Variants in RAG2 observed in about 807,000 individuals in gnomAD.
RAG2 encodes the protein recombination activating 2.
A neutral mutation model predicts 31.8 loss-of-function variants in RAG2; 16 were observed. The ratio of observed to expected loss-of-function variants is 0.50; its 90% CI spans 0.34 to 0.76. The LOEUF is 0.76. Among genes scored for constraint, RAG2 ranks in the 30% least tolerant of loss-of-function variants. RAG2 has a pLI of 0.01. For missense variants in RAG2, 622 were observed against 628.5 expected (o/e 0.99, Z 0.11); for synonymous variants, 199 against 215.9 (o/e 0.92, Z 0.68).
At position 36,592,707 on chromosome 11, in the gene RAG2, G is replaced by C. The variant is rs1347932380; in HGVS notation, c.1462C>G (p.Leu488Val). ...GGTAGGACTCTTTGGGGAGTGTGTA[G>C]AGCTCTTGCTATCTCCACATGCTCA... ...CNEHVEIARA[L>V]HTPQRVLPLK... Residue 488 changes from leucine to valine, a missense_variant, in exon 2 of 2, where the codon CTA becomes GTA. By Grantham distance (32) the Leu-to-Val change is conservative. Transcript: ENST00000311485. The C allele has an allele frequency of 1.2e-6, 2 of 1,614,066 alleles. No homozygotes were observed. Among genetic ancestry groups the C allele is most frequent in the Admixed American group, 3.3e-5 (2 of 60,010 alleles).
chr11:36,594,461 C>T lies in RAG2; in HGVS notation c.-27-266G>A. On this transcript the variant is annotated intron_variant, in intron 1 of 1. Transcript: ENST00000311485. ...GTAGTCCTTTTCCGTAAAGAGTCAC[C>T]ATGCGTCAGCTGAAAGAACCACATT... 4 of 434,386 alleles carry T rather than the reference C, an allele frequency of 9.2e-6. 1 individual carries two copies. The South Asian group carries it at 1.2e-4, about 13-fold the overall frequency. The allele number at this position is 434,386 out of a possible 1,614,324, so 26.9% of individuals were successfully genotyped here.
rs1590713653 is a variant in RAG2 at position 36,592,773 on chromosome 11, G to A, written c.1396C>T (p.Leu466Phe). 9.3e-6 allele frequency: 15 copies of A among 1,614,146 alleles called. No homozygotes were observed. Among genetic ancestry groups the A allele is most frequent in the Non-Finnish European group, 1.3e-5 (15 of 1,180,028 alleles). Residue 466 changes from leucine to phenylalanine, a missense_variant, in exon 2 of 2, where the codon CTC becomes TTC. Physicochemically the swap from Leu to Phe is conservative, Grantham distance 22. Coordinates refer to ENST00000311485, the MANE Select transcript of RAG2 (RefSeq NM_000536.4). ...TTGCTTCCTGCTGACAGATGGATGA[G>A]TGTGCGTTCTGCCAGATCCATGCAC... ...AQCMDLAERT[L>F]IHLSAGSNKY...
downstream of RAG2, among the ~76,000 whole-genome samples, chr11:36,591,747 G>A: frequency 6.6e-6 from 1 of 151,956 alleles, no homozygotes; most frequent in Non-Finnish European, 1.5e-5. Flanking sequence ...TTATTTGGTG[G>A]TCCTTTCTTA....
At position 36,593,504 on chromosome 11, in the gene RAG2, T is replaced by G; in HGVS notation, c.665A>C (p.His222Pro). ...AGGCCGGATATTATTGGCAAGTGAA[T>G]GTCCTCCTAAAATATAGATGGTGTC... ...KNDTIYILGG[H>P]SLANNIRPAN... is the part of the protein sequence containing the mutation. The change falls in exon 2 of 2, where the codon CAT (histidine) becomes CCT (proline). Residue 222 changes from histidine (H) to proline (P), a missense_variant. His to Pro is a moderately conservative substitution (Grantham distance 77). Transcript: ENST00000311485. The G allele has an allele frequency of 6.2e-7, 1 of 1,614,164 alleles. No individual in the cohort carries two copies. The highest frequency in any genetic ancestry group is 8.5e-7 in the Non-Finnish European group (1 of 1,180,038).
intron 1 of RAG2, among the ~76,000 whole-genome samples, chr11:36,596,834 G>A (rs1479630476): frequency 6.6e-6 from 1 of 152,178 alleles, no homozygotes; most frequent in East Asian, 1.9e-4. Flanking sequence ...GTTGCTGTAG[G>A]AATTGTGGCT....
At chr11:36,598,050 A>C (rs564950586) in intron 1 of RAG2, 52 bp downstream of exon 1, 4 of 152,206 alleles carry the variant, frequency 2.6e-5, no homozygotes, top group Non-Finnish European at 5.9e-5. Flanking sequence ...AAAGTTTACT[A>C]ACATAGGCTC....
Position 36,593,254 on chromosome 11 carries a change from T to C in RAG2, c.915A>G (p.Pro305=), listed in dbSNP as rs751463938. 2 of 1,614,218 alleles carry C rather than the reference T, an allele frequency of 1.2e-6. No individual in the cohort carries two copies. Among genetic ancestry groups the C allele is most frequent in the Admixed American group, 3.3e-5 (2 of 60,022 alleles). The change falls in exon 2 of 2, where the codon CCA becomes CCG. Residue 305 remains proline (P), a synonymous_variant. Coordinates refer to ENST00000311485, the MANE Select transcript of RAG2 (RefSeq NM_000536.4). ...NKIEIREMET[P]DWTPDIKHSK... ...TGTGCTTAATGTCTGGGGTCCAATC[T>C]GGGGTCTCCATCTCACGAATTTCTA...
At position 36,594,047 on chromosome 11, in the gene RAG2, C is replaced by T; in HGVS notation, c.122G>A (p.Cys41Tyr). ...FGQKGWPKRS[C>Y]PTGVFHLDVK... The stretch of plus-strand genomic sequence containing the variant: ...ATCCAGATGGAAAACTCCAGTGGGG[C>T]AGGATCTTTTGGGCCAGCCTTTTTG... The change falls in exon 2 of 2, where the codon TGC becomes TAC. Residue 41 changes from cysteine to tyrosine, a missense_variant. Coordinates refer to ENST00000311485, the MANE Select transcript of RAG2 (RefSeq NM_000536.4). 1 of 1,614,122 alleles carries T rather than the reference C, an allele frequency of 6.2e-7. No homozygotes were observed. Among genetic ancestry groups the T allele is most frequent in the Non-Finnish European group, 8.5e-7 (1 of 1,179,988 alleles).
Position 36,593,939 on chromosome 11 carries a change from G to C in RAG2, c.230C>G (p.Thr77Ser). Residue 77 changes from threonine to serine, a missense_variant, in exon 2 of 2, where the codon ACT becomes AGT. Physicochemically the swap from Thr to Ser is moderately conservative, Grantham distance 58. Coordinates refer to ENST00000311485, the MANE Select transcript of RAG2 (RefSeq NM_000536.4). ...CTCCAAGCTGCCTTTGAATGTGCAA[G>C]TGGCTGGGTAGCGAAGAGGAGGGAG... ...CYLPPLRYPATCTFKGSLESE... is the reference protein window; with the variant it reads ...CYLPPLRYPASCTFKGSLESE... The C allele has an allele frequency of 2.5e-6, 4 of 1,614,222 alleles. No homozygotes were observed. The highest frequency in any genetic ancestry group is 2.5e-6 in the Non-Finnish European group (3 of 1,180,024).
rs1337473510 is a variant in RAG2 at position 36,592,490 on chromosome 11, T to C, written c.*95A>G. 6.8e-7 allele frequency: 1 copy of C among 1,466,340 alleles called. No homozygotes were observed. The highest frequency in any genetic ancestry group is 9.2e-7 in the Non-Finnish European group (1 of 1,088,502). The allele number at this position is 1,466,340 out of a possible 1,614,324, so 90.8% of individuals were successfully genotyped here. On this transcript the variant is annotated 3_prime_UTR_variant, in exon 2 of 2. Coordinates refer to ENST00000311485, the MANE Select transcript of RAG2 (RefSeq NM_000536.4). The stretch of plus-strand genomic sequence containing the variant: ...TAACTAAAAGAAAACATAGGCATTT[T>C]AAATAAACAAAAATGTATTTTTAAA...
At position 36,592,778 on chromosome 11, in the gene RAG2, C is replaced by T. The variant is rs147748696; in HGVS notation, c.1391G>A (p.Arg464His). 3.7e-4 allele frequency: 594 copies of T among 1,613,910 alleles called. 1 individual carries two copies. The highest frequency in any genetic ancestry group is 3.3e-4 in the Non-Finnish European group (394 of 1,180,014). ...TCCTGCTGACAGATGGATGAGTGTGCGTTCTGCCAGATCCATGCACTGAGC... is the reference window on the plus strand; with the variant it reads ...TCCTGCTGACAGATGGATGAGTGTGTGTTCTGCCAGATCCATGCACTGAGC... Reference protein sequence around the residue: ...VHAQCMDLAERTLIHLSAGSN... With the variant: ...VHAQCMDLAEHTLIHLSAGSN... The change falls in exon 2 of 2, where the codon CGC becomes CAC. Residue 464 changes from arginine (R) to histidine (H), a missense_variant. Coordinates refer to ENST00000311485, the MANE Select transcript of RAG2 (RefSeq NM_000536.4).
At position 36,597,886 on chromosome 11, in the gene RAG2, T is replaced by C. The variant is rs562840848; in HGVS notation, c.-28+216A>G. Among the ~76,000 whole-genome samples the C allele has an allele frequency of 2.0e-5, 3 of 152,248 alleles. No homozygotes were observed. In the East Asian group the frequency reaches 5.8e-4, roughly 29 times the overall value. On this transcript the variant is annotated intron_variant, in intron 1 of 1. Coordinates refer to ENST00000311485, the MANE Select transcript of RAG2 (RefSeq NM_000536.4). ...AGAACGATTTATGTACGAAGATTAA[T>C]AATAGTGCTCTAAAGGCCTAATAAT...
In RAG2 at chr11:36,592,323, A is replaced by T. The variant is rs1352326908; in HGVS notation, c.*262T>A. Reference sequence around the variant, plus strand: ...TCTGGGTGTTTAAGGTTTGTTGAATAAAAAATCAGATCAGAAATCCTCAGT... The same window carrying T: ...TCTGGGTGTTTAAGGTTTGTTGAATTAAAAATCAGATCAGAAATCCTCAGT... On this transcript the variant is annotated 3_prime_UTR_variant, in exon 2 of 2. Coordinates refer to ENST00000311485, the MANE Select transcript of RAG2 (RefSeq NM_000536.4). 2.2e-6 allele frequency: 1 copy of T among 462,438 alleles called. No individual in the cohort carries two copies. The highest frequency in any genetic ancestry group is 3.8e-6 in the Non-Finnish European group (1 of 260,706). 28.6% of individuals were successfully genotyped at this position (462,438 alleles called of 1,614,324 possible).
At chr11:36,596,065 C>T (rs191186384) in intron 1 of RAG2, among the ~76,000 whole-genome samples, 24 of 152,206 alleles carry the variant, frequency 1.6e-4, no homozygotes, top group Admixed American at 8.5e-4. Flanking sequence ...TGGGATAGCA[C>T]GTGTAAATCA....
Position 36,592,649 on chromosome 11 carries a change from T to C in RAG2, c.1520A>G (p.Lys507Arg). 6.2e-7 allele frequency: 1 copy of C among 1,614,186 alleles called. No individual in the cohort carries two copies. The highest frequency in any genetic ancestry group is 8.5e-7 in the Non-Finnish European group (1 of 1,180,016). ...AGTCAAGATTTTTCCAGAACCTTTT[T>C]TACGGAGGGATTTCATTGGAGGCTT... ...LKKPPMKSLR[K>R]KGSGKILTPA... The change falls in exon 2 of 2, where the codon AAA becomes AGA. Residue 507 changes from lysine to arginine, a missense_variant. Coordinates refer to ENST00000311485, the MANE Select transcript of RAG2 (RefSeq NM_000536.4).
At chr11:36,596,851 A>G (rs1851286268) in intron 1 of RAG2, among the ~76,000 whole-genome samples, 2 of 152,338 alleles carry the variant, frequency 1.3e-5, no homozygotes, top group South Asian at 2.1e-4. Context: ...GGCTTCTCGT[A>G]AGTGAAAACA....
Position 36,592,591 on chromosome 11 carries a change from A to T in RAG2, c.1578T>A (p.Phe526Leu). 6.2e-7 allele frequency: 1 copy of T among 1,614,034 alleles called. No individual in the cohort carries two copies. Among genetic ancestry groups the T allele is most frequent in the Non-Finnish European group, 8.5e-7 (1 of 1,179,888 alleles). Reference protein sequence around the residue: ...PAKKSFLRRLFD With the variant: ...PAKKSFLRRLLD ...CTGAAAGGCTTTTGCAAAACTAATC[A>T]AACAACCTTCTAAGAAAGGATTTCT... The change falls in exon 2 of 2, where the codon TTT (phenylalanine) becomes TTA (leucine). Residue 526 changes from phenylalanine to leucine, a missense_variant. Phe to Leu is a conservative substitution (Grantham distance 22). Coordinates refer to ENST00000311485, the MANE Select transcript of RAG2 (RefSeq NM_000536.4).
intron 1 of RAG2, chr11:36,595,117 ACTGTTTTTACTC>A (rs1264454438): frequency 6.6e-6 from 1 of 152,134 alleles, no homozygotes; most frequent in East Asian, 1.9e-4. Context: ...TGTTTTCTTC[ACTGTTTTTACTC>A]CTGTTTTTAG....
chr11:36,594,292 C>A, intron 1 of RAG2, 97 bp from the exon 2 acceptor site: 1 of 824,110 alleles, frequency 1.2e-6, no homozygotes, highest in Non-Finnish European at 2.0e-6. Flanking sequence ...TTAAGTCCTC[C>A]CACACGCTTG....
Sources: allele counts gnomAD v4.1 joint callset (sites outside exome capture counted in the v4.1 genomes callset), GRCh38; gene constraint gnomAD v4.1.1; transcripts MANE v1.5; gene names NCBI Gene and HGNC (gene_info 2026-07-23, HGNC 2026-07-21).